The following ACOT7 variants were observed in gnomAD, a reference collection of about 807,000 sequenced individuals.
ACOT7 encodes acyl-CoA thioesterase 7.
ACOT7 carries 12 observed loss-of-function variants against 40.2 expected under a neutral mutation model. The ratio of observed to expected loss-of-function variants is 0.30; its 90% confidence interval spans 0.19 to 0.48. The LOEUF (loss-of-function observed/expected upper bound fraction) is 0.48, where lower values mean the gene tolerates loss of function less well. Among genes scored for constraint, ACOT7 ranks in the 20% least tolerant of loss-of-function variants. The pLI, the probability that ACOT7 is intolerant of heterozygous loss-of-function variation, is 0.99. For missense variants in ACOT7, 395 were observed against 530.8 expected (o/e 0.74, Z 2.51); for synonymous variants, 228 against 219.5 (o/e 1.04, Z -0.34).
intron 6 of ACOT7, among the ~76,000 whole-genome samples, chr1:6,302,229 A>T (rs1390387707): frequency 6.6e-6 from 1 of 152,162 alleles, no homozygotes; most frequent in Non-Finnish European, 1.5e-5. Flanking sequence ...GGCAGCAGGC[A>T]GGAGGGCTCT....
At chr1:6,308,022 C>A (rs1027309843) in intron 6 of ACOT7, among the ~76,000 whole-genome samples, 1 of 150,694 alleles carries the variant, frequency 6.6e-6, no homozygotes, top group African/African-American at 2.4e-5. Context: ...GGAACTACAA[C>A]CAGGCAGAGG....
At position 6,339,671 on chromosome 1, in the gene ACOT7, G is replaced by A. The variant is rs959342909; in HGVS notation, c.262-82C>T. 1.5e-5 allele frequency: 23 copies of A among 1,519,082 alleles called. No individual in the cohort carries two copies. In the African/African-American group the frequency reaches 2.1e-4, roughly 14 times the overall value. The allele number at this position is 1,519,082 out of a possible 1,614,324, so 94.1% of individuals were successfully genotyped here. On this transcript the variant is annotated intron_variant, in intron 2 of 8. Transcript: ENST00000361521. ...CACCCAGGACATGCCCCCTGGAAAC[G>A]GTCTTTGCCTTTGCTTTCATTCCCC...
At chr1:6,332,769 CG>C (rs1216181479) in intron 4 of ACOT7, among the ~76,000 whole-genome samples, 1 of 151,342 alleles carries the variant, frequency 6.6e-6, no homozygotes, top group East Asian at 1.9e-4. Flanking sequence ...TGCAGTGAGC[CG>C]AGATCGCGCC....
At chr1:6,295,915 T>C (rs1639799763) in intron 6 of ACOT7, among the ~76,000 whole-genome samples, 1 of 152,212 alleles carries the variant, frequency 6.6e-6, no homozygotes, top group Admixed American at 6.5e-5. Flanking sequence ...ACTTTATTTT[T>C]GTTTTTGAGA....
At chr1:6,335,239 A>AT in intron 3 of ACOT7, among the ~76,000 whole-genome samples, 1 of 151,640 alleles carries the variant, frequency 6.6e-6, no homozygotes, top group African/African-American at 2.4e-5. Flanking sequence ...AGGCAGGAGA[A>AT]CAGCTTGAAC....
At chr1:6,334,052 G>A (rs1557655611) in intron 3 of ACOT7, among the ~76,000 whole-genome samples, 1 of 152,168 alleles carries the variant, frequency 6.6e-6, no homozygotes, top group African/African-American at 2.4e-5. Context: ...TCCTCTTCCT[G>A]GTGTTTTGAC....
chr1:6,277,942 C>G (rs1388031685), intron 8 of ACOT7, among the ~76,000 whole-genome samples: 2 of 152,330 alleles, frequency 1.3e-5, no homozygotes, highest in Non-Finnish European at 2.9e-5. Flanking sequence ...CACCACCGTA[C>G]AGATGAGGAA....
chr1:6,357,233 G>A (rs1641770533), intron 1 of ACOT7, among the ~76,000 whole-genome samples: 2 of 151,028 alleles, frequency 1.3e-5, no homozygotes, highest in African/African-American at 4.9e-5. Flanking sequence ...GCGAAACTCC[G>A]CCTCAAAAAA....
In ACOT7 at chr1:6,311,816, G is replaced by A. The variant is rs1053099006; in HGVS notation, c.712+6676C>T. On this transcript the variant is annotated intron_variant, in intron 6 of 8. Transcript: ENST00000361521. This position sits in a 1 kb window ranked among gnomAD's most constrained non-coding sequence, Gnocchi z 5.2. Reference sequence around the variant, plus strand: ...TCTTTCCCAGGGTAGGACGTTTACCGCGGCAGTGCTGCCCCAGCCTGTCCC... The same window carrying A: ...TCTTTCCCAGGGTAGGACGTTTACCACGGCAGTGCTGCCCCAGCCTGTCCC... Among the ~76,000 whole-genome samples, 33 of 152,112 alleles carry A rather than the reference G, an allele frequency of 2.2e-4. 1 individual carries two copies. The highest frequency in any genetic ancestry group is 1.3e-4 in the Non-Finnish European group (9 of 68,026).
chr1:6,381,204 T>C (rs1234696317), intron 1 of ACOT7, among the ~76,000 whole-genome samples: 2 of 151,802 alleles, frequency 1.3e-5, no homozygotes, highest in Admixed American at 1.3e-4. Context: ...ATTTGAAAAA[T>C]ATATACATGG....
At chr1:6,318,713 T>G in intron 5 of ACOT7, 135 bp from the exon 6 acceptor site, 1 of 836,076 alleles carries the variant, frequency 1.2e-6, no homozygotes, top group Non-Finnish European at 1.9e-6. Context: ...CTATGATTTC[T>G]CTAAGGAAAA....
intron 1 of ACOT7, among the ~76,000 whole-genome samples, chr1:6,368,801 CCCACTGCTG>C (rs954908210): frequency 6.6e-5 from 10 of 152,148 alleles, no homozygotes; most frequent in African/African-American, 2.4e-4. Context: ...GCACAGGGGA[CCCACTGCTG>C]CCACTGCTGC....
intron 2 of ACOT7, among the ~76,000 whole-genome samples, chr1:6,342,670 G>A (rs1159266272): frequency 6.6e-6 from 1 of 152,180 alleles, no homozygotes; most frequent in African/African-American, 2.4e-5. Flanking sequence ...TAGCCAGGTG[G>A]AATTGAACAT....
At chr1:6,327,499 C>T in intron 4 of ACOT7, 86 bp from the exon 5 acceptor site, 1 of 1,145,000 alleles carries the variant, frequency 8.7e-7, no homozygotes, top group East Asian at 2.5e-5. Flanking sequence ...GCCCTTATAG[C>T]CTTGTGTAAC....
At chr1:6,277,025 G>T (rs1205014881) in intron 8 of ACOT7, among the ~76,000 whole-genome samples, 1 of 152,050 alleles carries the variant, frequency 6.6e-6, no homozygotes, top group East Asian at 1.9e-4. Context: ...GGAAGGGGCG[G>T]CCCCAGGACT....
chr1:6,267,392 C>A (rs975614728), intron 8 of ACOT7, among the ~76,000 whole-genome samples: 9 of 152,172 alleles, frequency 5.9e-5, no homozygotes, highest in African/African-American at 2.2e-4. Context: ...TCCTGGGGGG[C>A]TGGTGGGAAT....
chr1:6,318,119 G>A (rs1230195159), intron 6 of ACOT7, among the ~76,000 whole-genome samples: 4 of 152,108 alleles, frequency 2.6e-5, no homozygotes, highest in Non-Finnish European at 5.9e-5. Context: ...GCAGTGGCAC[G>A]ATCATGGCTC....
intron 1 of ACOT7, among the ~76,000 whole-genome samples, chr1:6,377,087 T>C (rs1302062336): frequency 5.9e-5 from 9 of 152,170 alleles, no homozygotes. Flanking sequence ...CAACATCAAA[T>C]GCTGGTGAGG....
At chr1:6,319,085 T>C (rs1640570989) in intron 5 of ACOT7, among the ~76,000 whole-genome samples, 1 of 152,144 alleles carries the variant, frequency 6.6e-6, no homozygotes, top group African/African-American at 2.4e-5. Flanking sequence ...CCCAAATATC[T>C]TGGAGGAGCT....
Sources: gnomAD v4.1 joint callset for allele counts (sites outside exome capture counted in the v4.1 genomes callset) on GRCh38, gnomAD v4.1.1 for gene constraint, Gnocchi (gnomAD v3.1) non-coding constraint, MANE v1.5 for transcripts, NCBI Gene and HGNC (gene_info 2026-07-23, HGNC 2026-07-21) for gene names.